ASPRV1: variants seen among roughly 807,000 people sequenced by gnomAD.
ASPRV1 encodes the protein aspartic peptidase retroviral like 1, also known as retroviral-like aspartic protease 1.
A neutral mutation model predicts 11.0 loss-of-function variants in ASPRV1; 7 were observed. That is an observed-to-expected ratio of 0.64 (90% CI 0.36 to 1.20). The LOEUF (loss-of-function observed/expected upper bound fraction) is 1.20. Ranked by LOEUF, ASPRV1 falls within the 50% of genes most tolerant of loss-of-function variation. The pLI, the probability that ASPRV1 is intolerant of heterozygous loss-of-function variation, is 0.02. For missense variants in ASPRV1, 299 were observed against 320.0 expected (o/e 0.93, Z 0.50); for synonymous variants, 136 against 138.4 (o/e 0.98, Z 0.12).
At chr2:70,050,648 A>G in the ASPRV1 span, 1 of 152,316 alleles carries the variant, frequency 6.6e-6, no homozygotes, top group African/African-American at 2.4e-5. Flanking sequence ...AATAAAAAAA[A>G]TTATTGGAAA....
the ASPRV1 span, among the ~76,000 whole-genome samples, chr2:70,036,170 A>G: frequency 6.6e-6 from 1 of 151,928 alleles, no homozygotes; most frequent in Non-Finnish European, 1.5e-5. Flanking sequence ...GGAGCAGTGA[A>G]GAGGTGGGCA....
the ASPRV1 span, among the ~76,000 whole-genome samples, chr2:70,025,213 G>T: frequency 6.6e-6 from 1 of 152,080 alleles, no homozygotes; most frequent in African/African-American, 2.4e-5. Context: ...TGTGTGTTGG[G>T]GATTAGAAAT....
the ASPRV1 span, among the ~76,000 whole-genome samples, chr2:69,990,161 T>C: frequency 6.6e-6 from 1 of 152,022 alleles, no homozygotes; most frequent in East Asian, 1.9e-4. Context: ...GCCCTTTTTA[T>C]TTTTGTTTGT....
At chr2:69,959,031 G>C (rs903113854), downstream of ASPRV1, among the ~76,000 whole-genome samples, 1 of 152,174 alleles carries the variant, frequency 6.6e-6, no homozygotes, top group Non-Finnish European at 1.5e-5. Context: ...CAGTTCCCAG[G>C]AGAATCACAG....
chr2:70,047,225 G>A, the ASPRV1 span, among the ~76,000 whole-genome samples: 1 of 152,152 alleles, frequency 6.6e-6, no homozygotes, highest in Non-Finnish European at 1.5e-5. Context: ...AACAAGAACA[G>A]GATCTAAAGC....
the ASPRV1 span, among the ~76,000 whole-genome samples, chr2:69,950,844 AAAATAAAT>A: frequency 0.16 from 22,144 of 136,870 alleles, 2,149 homozygotes; most frequent in African/African-American, 0.25. Flanking sequence ...CTCTGTCTCA[AAAATAAAT>A]AAATAAATAA....
At chr2:70,020,632 C>T in the ASPRV1 span, among the ~76,000 whole-genome samples, 1 of 152,242 alleles carries the variant, frequency 6.6e-6, no homozygotes, top group African/African-American at 2.4e-5. Context: ...ATCCCAGCTA[C>T]TTGGGAGGCT....
chr2:70,003,036 C>T, the ASPRV1 span: 1 of 152,230 alleles, frequency 6.6e-6, no homozygotes, highest in South Asian at 2.1e-4. Flanking sequence ...TCTCTGCAAT[C>T]AGCACTCACT....
the ASPRV1 span, among the ~76,000 whole-genome samples, chr2:69,981,304 GGACA>G: frequency 2.6e-4 from 39 of 152,214 alleles, no homozygotes; most frequent in Non-Finnish European, 3.8e-4. Flanking sequence ...GATAGAAAGT[GGACA>G]GAAAGTATTA....
the ASPRV1 span, among the ~76,000 whole-genome samples, chr2:69,967,467 G>T: frequency 2.0e-5 from 3 of 152,230 alleles, no homozygotes; most frequent in Non-Finnish European, 1.5e-5. Flanking sequence ...ATTAATTTTT[G>T]TTGCTAAAGG....
chr2:69,984,418 GTAA>G, the ASPRV1 span, among the ~76,000 whole-genome samples: 1 of 152,092 alleles, frequency 6.6e-6, no homozygotes, highest in Non-Finnish European at 1.5e-5. Flanking sequence ...CTGAGCTATG[GTAA>G]TAATAATCCC....
the ASPRV1 span, chr2:70,077,274 T>C: frequency 2.0e-5 from 3 of 152,130 alleles, no homozygotes; most frequent in African/African-American, 7.2e-5. Flanking sequence ...TCCAATTTCA[T>C]CTAAAAGGAA....
At chr2:69,949,115 A>G in the ASPRV1 span, among the ~76,000 whole-genome samples, 5 of 152,042 alleles carry the variant, frequency 3.3e-5, no homozygotes, top group Admixed American at 2.6e-4. Context: ...TTATCACCAC[A>G]TGACACCTTG....
chr2:70,060,972 T>C, the ASPRV1 span, among the ~76,000 whole-genome samples: 1 of 152,200 alleles, frequency 6.6e-6, no homozygotes, highest in Admixed American at 6.5e-5. Context: ...TCACAGAGCT[T>C]AAAACCCACC....
the ASPRV1 span, chr2:69,935,490 T>C: frequency 6.7e-7 from 1 of 1,492,694 alleles, no homozygotes; most frequent in Non-Finnish European, 9.3e-7. Flanking sequence ...GGGATGCTGC[T>C]TTATCTTTAC....
At chr2:69,973,012 A>G in the ASPRV1 span, among the ~76,000 whole-genome samples, 1 of 151,690 alleles carries the variant, frequency 6.6e-6, no homozygotes. Flanking sequence ...ATCTCTGGCC[A>G]CTCCTCAGAC....
chr2:70,021,355 G>C, the ASPRV1 span, among the ~76,000 whole-genome samples: 54 of 143,728 alleles, frequency 3.8e-4, no homozygotes, highest in African/African-American at 1.4e-3. Context: ...GTCTCGCTCT[G>C]TCACCCAGGC....
At chr2:70,058,113 G>A in the ASPRV1 span, among the ~76,000 whole-genome samples, 50 of 152,244 alleles carry the variant, frequency 3.3e-4, no homozygotes, top group African/African-American at 9.4e-4. Context: ...GTATGTGTTG[G>A]CTTTATCAGT....
the ASPRV1 span, chr2:69,940,064 A>G: frequency 8.6e-6 from 1 of 116,324 alleles, no homozygotes; most frequent in Admixed American, 1.2e-4. Context: ...TTCCAAAGTC[A>G]CCTGTAATTC....
Sources: allele counts gnomAD v4.1 joint callset (sites outside exome capture counted in the v4.1 genomes callset), GRCh38; gene constraint gnomAD v4.1.1; transcripts MANE v1.5; gene names NCBI Gene and HGNC (gene_info 2026-07-23, HGNC 2026-07-21).